The following FHOD3 variants were observed in gnomAD, a reference collection of about 807,000 sequenced individuals.
The protein encoded by FHOD3 is formin homology 2 domain containing 3, also known as FH1/FH2 domain-containing protein 3.
A neutral mutation model predicts 173.0 loss-of-function variants in FHOD3; 90 were observed. That is an observed-to-expected ratio of 0.52 (90% CI 0.44 to 0.62). The LOEUF (loss-of-function observed/expected upper bound fraction) is 0.62. FHOD3 is among the 20% of genes least tolerant of loss of function. The pLI is 0.00. For synonymous variants in FHOD3, 828 were observed against 823.0 expected (o/e 1.01, Z -0.10); for missense variants, 1,945 against 2,034.7 (o/e 0.96, Z 0.85).
intron 3 of FHOD3, among the ~76,000 whole-genome samples, chr18:36,475,023 ACACACACACACT>A (rs775186441): frequency 0.05 from 6,430 of 129,724 alleles, 183 homozygotes; most frequent in South Asian, 0.091. Context: ...ACACACACAC[ACACACACACACT>A]CTGCAAAATT....
chr18:36,753,837 T>C lies in FHOD3; in HGVS notation c.4233-1282T>C, dbSNP rs570400966. ...GCTTTTTTCATGTATCTCTTGGCCG[T>C]GTGCATATCTTTTTAGGAGAAATGT... On this transcript the variant is annotated intron_variant, in intron 24 of 28. Coordinates refer to ENST00000590592, the MANE Select transcript of FHOD3 (RefSeq NM_001281740.3). Among the ~76,000 whole-genome samples the C allele has an allele frequency of 2.0e-5, 3 of 152,334 alleles. No individual in the cohort carries two copies. In the South Asian group the frequency reaches 6.2e-4, roughly 32 times the overall value.
At chr18:36,474,229 T>G (rs1339883732) in intron 3 of FHOD3, among the ~76,000 whole-genome samples, 1 of 152,144 alleles carries the variant, frequency 6.6e-6, no homozygotes, top group Non-Finnish European at 1.5e-5. Context: ...TCCAAAAGAT[T>G]TTCCTGTCCT....
At chr18:36,583,009 C>T (rs928976081) in intron 6 of FHOD3, among the ~76,000 whole-genome samples, 8 of 152,204 alleles carry the variant, frequency 5.3e-5, no homozygotes, top group African/African-American at 1.7e-4. Flanking sequence ...TTCTGTTCTG[C>T]TTCTTTCTCT....
chr18:36,748,382 A>AACACACACACACAC (rs532609709), intron 24 of FHOD3, among the ~76,000 whole-genome samples: 10 of 143,572 alleles, frequency 7.0e-5, no homozygotes, highest in Middle Eastern at 3.5e-3. Context: ...ACACACACAC[A>AACACACACACACAC]ACACACACAC....
chr18:36,659,341 T>C (rs118107542), intron 14 of FHOD3, among the ~76,000 whole-genome samples: 3,322 of 152,260 alleles, frequency 0.022, 94 homozygotes, highest in Non-Finnish European at 0.025. Context: ...AAGTTAGGTC[T>C]TGATAATAAG....
rs141313335 is a variant in FHOD3 at position 36,348,597 on chromosome 18, G to C, written c.166-6942G>C. ...ACACTCTGGGGGTTTGGGACTTCGT[G>C]TGTTCTTGCCTCCTGCTGTGTCCTC... On this transcript the variant is annotated intron_variant, in intron 1 of 28. Transcript: ENST00000590592. Among the ~76,000 whole-genome samples the C allele has an allele frequency of 9.3e-4, 142 of 152,286 alleles. 1 individual carries two copies. The highest frequency in any genetic ancestry group is 3.1e-3 in the African/African-American group (130 of 41,574).
At chr18:36,751,538 G>A (rs1009680847) in intron 24 of FHOD3, among the ~76,000 whole-genome samples, 5 of 152,148 alleles carry the variant, frequency 3.3e-5, no homozygotes, top group African/African-American at 9.7e-5. Flanking sequence ...GAGGGCATCC[G>A]TGTCTCCTGC....
intron 3 of FHOD3, among the ~76,000 whole-genome samples, chr18:36,451,650 A>G (rs540690336): frequency 6.6e-6 from 1 of 152,270 alleles, no homozygotes; most frequent in Admixed American, 6.5e-5. Context: ...GCATACCCGC[A>G]GTATTCAGAA....
rs764291874 is a variant in FHOD3, at chr18:36,779,437, C to T, written c.4787-11C>T. The T allele has an allele frequency of 6.2e-7, 1 of 1,613,656 alleles. No homozygotes were observed. Among genetic ancestry groups the T allele is most frequent in the Non-Finnish European group, 8.5e-7 (1 of 1,179,692 alleles). On this transcript the variant is annotated splice_polypyrimidine_tract_variant and intron_variant, in intron 28 of 28. Transcript: ENST00000590592. Reference sequence around the variant, plus strand: ...TCATCCCTTTGGGTGTGACCTGCACCACCACTGCAGTGCGAAGAACCCTGA... The same window carrying T: ...TCATCCCTTTGGGTGTGACCTGCACTACCACTGCAGTGCGAAGAACCCTGA...
chr18:36,745,455 A>C (rs2042105164), intron 23 of FHOD3, among the ~76,000 whole-genome samples: 1 of 152,140 alleles, frequency 6.6e-6, no homozygotes. Context: ...GGTGTCTTGC[A>C]TGCCTCCCTG....
chr18:36,339,197 G>A (rs2045484649), intron 1 of FHOD3, among the ~76,000 whole-genome samples: 1 of 152,158 alleles, frequency 6.6e-6, no homozygotes, highest in Non-Finnish European at 1.5e-5. Flanking sequence ...CACTTTGAAT[G>A]CTCCCAGGAG....
chr18:36,554,026 T>G (rs1476679947), intron 5 of FHOD3, among the ~76,000 whole-genome samples: 1 of 152,202 alleles, frequency 6.6e-6, no homozygotes, highest in Admixed American at 6.5e-5. Context: ...GGAACACTTT[T>G]ACACTGTTGG....
chr18:36,641,722 G>T (rs781723266), intron 10 of FHOD3, among the ~76,000 whole-genome samples: 1 of 152,116 alleles, frequency 6.6e-6, no homozygotes, highest in Admixed American at 6.5e-5. Flanking sequence ...TTGGGAGGCC[G>T]AGATGGGTGG....
At position 36,298,198 on chromosome 18, in the gene FHOD3, G is replaced by A. The variant is rs545498036; in HGVS notation, c.165+198G>A. Among the ~76,000 whole-genome samples the A allele has an allele frequency of 5.9e-5, 9 of 152,246 alleles. No individual in the cohort carries two copies. In the South Asian group the frequency reaches 1.9e-3, roughly 32 times the overall value. On this transcript the variant is annotated intron_variant, in intron 1 of 28. Transcript: ENST00000590592. The stretch of plus-strand genomic sequence containing the variant: ...CCGCTGGTTGGCGCAGGACCCTCCG[G>A]GGCGGGCGGGAAGGAACAGCTAGAG...
chr18:36,430,927 A>T (rs1460557246), intron 3 of FHOD3, among the ~76,000 whole-genome samples: 4 of 151,238 alleles, frequency 2.6e-5, no homozygotes, highest in African/African-American at 9.7e-5. Flanking sequence ...TGTTTTCATT[A>T]AAAAAAAATC....
chr18:36,654,981 A>T (rs2065101070), intron 13 of FHOD3, among the ~76,000 whole-genome samples: 1 of 152,008 alleles, frequency 6.6e-6, no homozygotes, highest in African/African-American at 2.4e-5. Context: ...TCTGAAAATT[A>T]ATTTCCTCTG....
At chr18:36,474,986 TACACAC>T (rs3056805) in intron 3 of FHOD3, among the ~76,000 whole-genome samples, 1,420 of 108,076 alleles carry the variant, frequency 0.013, 27 homozygotes, top group African/African-American at 0.019. Flanking sequence ...AATACACACA[TACACAC>T]ACACACACAC....
chr18:36,416,715 C>T (rs2049670629), intron 3 of FHOD3, among the ~76,000 whole-genome samples: 1 of 152,202 alleles, frequency 6.6e-6, no homozygotes, highest in South Asian at 2.1e-4. Context: ...TCCCAGCTCT[C>T]CCTTCCTCCA....
intron 3 of FHOD3, among the ~76,000 whole-genome samples, chr18:36,407,180 G>T (rs1029827635): frequency 6.6e-6 from 1 of 152,208 alleles, no homozygotes; most frequent in Non-Finnish European, 1.5e-5. Context: ...GTGGTCCAGA[G>T]TCACATGTGA....
Sources: gnomAD v4.1 joint callset for allele counts (sites outside exome capture counted in the v4.1 genomes callset) on GRCh38, gnomAD v4.1.1 for gene constraint, MANE v1.5 for transcripts, NCBI Gene and HGNC (gene_info 2026-07-23, HGNC 2026-07-21) for gene names.